The following GAD1 variants were observed in gnomAD, a reference collection of about 807,000 sequenced individuals.
GAD1 encodes the protein 67 kDa glutamic acid decarboxylase.
Under a neutral mutation model 75.2 loss-of-function variants are expected in GAD1, and 35 were observed. The observed-to-expected ratio is 0.47, with a 90% CI of 0.36 to 0.62. The LOEUF is 0.62. Ranked by LOEUF, GAD1 falls within the 20% of genes least tolerant of loss-of-function variation. The probability of loss-of-function intolerance (pLI) is 0.00; values close to 1 mark genes in which losing one functional copy is unlikely to be tolerated. For synonymous variants in GAD1, 257 were observed against 271.9 expected (o/e 0.95, Z 0.54); for missense variants, 490 against 758.5 (o/e 0.65, Z 4.16).
intron 12 of GAD1, among the ~76,000 whole-genome samples, chr2:170,851,282 A>G (rs748147242): frequency 6.6e-6 from 1 of 152,214 alleles, no homozygotes; most frequent in Non-Finnish European, 1.5e-5. Flanking sequence ...ACATTTTATG[A>G]GACCTAAATA....
chr2:170,845,369 A>T (rs747448372), intron 7 of GAD1, 137 bp from the exon 8 acceptor site: 1 of 767,584 alleles, frequency 1.3e-6, no homozygotes, highest in African/African-American at 1.7e-5. Flanking sequence ...GCAATAGGGA[A>T]GCCAGCAAAA....
intron 14 of GAD1, 27 bp downstream of exon 14, chr2:170,854,049 G>C (rs779714837): frequency 6.2e-7 from 1 of 1,613,944 alleles, no homozygotes; most frequent in Non-Finnish European, 8.5e-7. Context: ...TCAGGAAATA[G>C]AGCAGAAATG....
At chr2:170,829,669 G>A (rs1176232621) in intron 4 of GAD1, 36 bp downstream of exon 4, 1 of 1,603,260 alleles carries the variant, frequency 6.2e-7, no homozygotes, top group Non-Finnish European at 8.5e-7. Flanking sequence ...ATGCTAGCCA[G>A]TAGATTTCTT....
intron 3 of GAD1, among the ~76,000 whole-genome samples, chr2:170,827,259 T>A (rs189960645): frequency 4.5e-4 from 69 of 152,294 alleles, no homozygotes; most frequent in African/African-American, 1.4e-3. Context: ...CAGATTAACT[T>A]GCCTTTTTGC....
intron 6 of GAD1, among the ~76,000 whole-genome samples, chr2:170,838,510 CAG>C (rs1228549965): frequency 1.3e-5 from 2 of 152,110 alleles, no homozygotes; most frequent in African/African-American, 2.4e-5. Context: ...GTGAGGAAAA[CAG>C]AGTAAAAGAT....
intron 11 of GAD1, 149 bp downstream of exon 11, chr2:170,847,941 C>T: frequency 1.3e-6 from 1 of 746,754 alleles, no homozygotes; most frequent in Non-Finnish European, 2.5e-6. Context: ...GCCAGCCATT[C>T]ACAACTGGTA....
chr2:170,826,060 C>A (rs1344126358), intron 3 of GAD1, among the ~76,000 whole-genome samples: 2 of 152,066 alleles, frequency 1.3e-5, no homozygotes, highest in African/African-American at 4.8e-5. Context: ...TCTGAGGATC[C>A]CAGTATTTTA....
intron 5 of GAD1, among the ~76,000 whole-genome samples, chr2:170,831,634 G>A (rs190204904): frequency 0.024 from 3,191 of 132,046 alleles, 121 homozygotes; most frequent in African/African-American, 0.086. Flanking sequence ...GTGTGTGTGT[G>A]TATATACCTA....
At chr2:170,858,929 C>T in intron 16 of GAD1, 36 bp downstream of exon 16, 2 of 1,551,546 alleles carry the variant, frequency 1.3e-6, no homozygotes, top group Non-Finnish European at 1.8e-6. Flanking sequence ...TAATCCTCTG[C>T]AATTTCTCTG....
At chr2:170,832,649 C>T (rs1464250681) in intron 5 of GAD1, among the ~76,000 whole-genome samples, 1 of 130,644 alleles carries the variant, frequency 7.7e-6, no homozygotes, top group Non-Finnish European at 1.6e-5. Context: ...CACAGGCACA[C>T]ATGCGCGCGC....
intron 3 of GAD1, among the ~76,000 whole-genome samples, chr2:170,825,140 C>T (rs1204850892): frequency 6.6e-6 from 1 of 152,132 alleles, no homozygotes; most frequent in African/African-American, 2.4e-5. Context: ...AATCCCAACA[C>T]TTTGGGAGGC....
upstream of GAD1, chr2:170,816,869 C>A (rs920849572): frequency 6.3e-6 from 1 of 159,856 alleles, no homozygotes; most frequent in African/African-American, 2.4e-5. Context: ...AGCCGTGCAG[C>A]CGCCTCTCCG....
intron 13 of GAD1, 100 bp downstream of exon 13, chr2:170,852,892 A>T: frequency 9.8e-7 from 1 of 1,018,014 alleles, no homozygotes; most frequent in Non-Finnish European, 1.5e-6. Context: ...TGGCTGACTC[A>T]CGAGATTGGC....
intron 2 of GAD1, chr2:170,821,836 C>T (rs1701889162): frequency 5.6e-6 from 3 of 532,700 alleles, no homozygotes; most frequent in East Asian, 6.5e-5. Context: ...CCCGGAGGGG[C>T]GCCGGGTGCC....
Position 170,845,737 on chromosome 2 carries a change from C to G in GAD1, c.899C>G (p.Ala300Gly). ...SHYSIKKAGA[A>G]LGFGTDNVIL... is the part of the protein sequence containing the mutation. ...TATTCCATAAAGAAAGCTGGGGCTG[C>G]ACTTGGCTTTGGAACTGACAATGTG... Residue 300 changes from alanine (A) to glycine (G), a missense_variant, in exon 9 of 17, where the codon GCA becomes GGA. Ala to Gly is a moderately conservative substitution (Grantham distance 60). Coordinates refer to ENST00000358196, the MANE Select transcript of GAD1 (RefSeq NM_000817.3). 6.2e-7 allele frequency: 1 copy of G among 1,614,094 alleles called. No individual in the cohort carries two copies. The highest frequency in any genetic ancestry group is 8.5e-7 in the Non-Finnish European group (1 of 1,180,014).
chr2:170,845,934 T>C, intron 9 of GAD1, 75 bp from the exon 10 acceptor site: 3 of 1,510,384 alleles, frequency 2.0e-6, no homozygotes, highest in Middle Eastern at 3.6e-4. Flanking sequence ...TGCTTTTTGC[T>C]GCTGCTAAAG....
chr2:170,844,407 CTT>C (rs11327360), intron 7 of GAD1, among the ~76,000 whole-genome samples: 171 of 124,446 alleles, frequency 1.4e-3, no homozygotes, highest in Middle Eastern at 4.2e-3. Context: ...TTTCTTTTTT[CTT>C]TTTTTTTTTT....
chr2:170,828,763 ACCTCTGCTGTCCTCACCCTCCTC>A (rs1165045963), intron 3 of GAD1, among the ~76,000 whole-genome samples: 7 of 32,704 alleles, frequency 2.1e-4, no homozygotes, highest in East Asian at 9.7e-4. Flanking sequence ...TCGCCCTCCT[ACCTCTGCTGTCCTCACCCTCCTC>A]CCTCTGCTGT....
intron 16 of GAD1, 111 bp downstream of exon 16, chr2:170,859,004 TG>T (rs1702908814): frequency 1.0e-6 from 1 of 991,212 alleles, no homozygotes; most frequent in African/African-American, 1.6e-5. Flanking sequence ...AATAAAGCCT[TG>T]GGGTGGGTTT....
Sources: gnomAD v4.1 joint callset for allele counts (sites outside exome capture counted in the v4.1 genomes callset) on GRCh38, gnomAD v4.1.1 for gene constraint, MANE v1.5 for transcripts, NCBI Gene and HGNC (gene_info 2026-07-23, HGNC 2026-07-21) for gene names.